ZNF317: variants seen among roughly 807,000 people sequenced by gnomAD.
ZNF317 encodes the protein KRAB-containing zinc finger protein 317.
ZNF317 carries 17 observed loss-of-function variants against 23.4 expected under a neutral mutation model. The ratio of observed to expected loss-of-function variants is 0.73; its 90% CI spans 0.50 to 1.09. The LOEUF is 1.09. ZNF317 is among the 50% of genes least tolerant of loss of function. ZNF317 has a pLI of 0.00. For synonymous variants in ZNF317, 317 were observed against 314.9 expected, an observed-to-expected ratio of 1.01 and a Z score of -0.07; for missense variants, 679 against 796.7, an observed-to-expected ratio of 0.85 and a Z score of 1.78.
chr19:9,141,972 A>C (rs530769488), intron 1 of ZNF317, among the ~76,000 whole-genome samples: 36 of 152,058 alleles, frequency 2.4e-4, no homozygotes, highest in African/African-American at 8.7e-4. Context: ...CACCCAGCTA[A>C]ATTTTGTATT....
chr19:9,148,150 C>T (rs1280928757), intron 1 of ZNF317, among the ~76,000 whole-genome samples: 2 of 152,182 alleles, frequency 1.3e-5, no homozygotes, highest in African/African-American at 2.4e-5. Flanking sequence ...GTAGAGCCTA[C>T]AGAACTGTGA....
chr19:9,150,696 T>TG, intron 1 of ZNF317, among the ~76,000 whole-genome samples: 1 of 152,216 alleles, frequency 6.6e-6, no homozygotes, highest in South Asian at 2.1e-4. Flanking sequence ...GCAAGAGCAG[T>TG]GGCATTCCCA....
chr19:9,154,060 C>T lies in ZNF317; in HGVS notation c.-92-1865C>T, dbSNP rs540152782. Among the ~76,000 whole-genome samples the T allele has an allele frequency of 5.9e-5, 9 of 152,092 alleles. No individual in the cohort carries two copies. The South Asian group carries it at 1.0e-3, about 18-fold the overall frequency. On this transcript the variant is annotated intron_variant, in intron 1 of 6. Transcript: ENST00000247956. Reference sequence around the variant, plus strand: ...GAAAGTAAAGGAGAGCCAGGTAGTGCGAGGGTCCAGAGACGGGGATGGGCC... The same window carrying T: ...GAAAGTAAAGGAGAGCCAGGTAGTGTGAGGGTCCAGAGACGGGGATGGGCC...
In ZNF317 at chr19:9,160,632, C is replaced by T. The variant is rs572987481; in HGVS notation, c.987C>T (p.Thr329=). 6.2e-6 allele frequency: 10 copies of T among 1,614,042 alleles called. No homozygotes were observed. The highest frequency in any genetic ancestry group is 4.0e-5 in the African/African-American group (3 of 74,996). The part of the protein sequence containing the change: ...CHLIAHKRTH[T]GERPYECHDC... ...TCATCGCACACAAGAGAACGCACAC[C>T]GGAGAGAGGCCCTACGAGTGTCACG... The change falls in exon 7 of 7, where the codon ACC becomes ACT. Residue 329 remains threonine, a synonymous_variant. Transcript: ENST00000247956. This position sits in a 1 kb window ranked among gnomAD's most constrained non-coding sequence, Gnocchi z 6.8.
intron 1 of ZNF317, 112 bp from the exon 2 acceptor site, chr19:9,155,813 A>G (rs1006428868): frequency 6.4e-6 from 4 of 624,656 alleles, no homozygotes; most frequent in African/African-American, 1.8e-5. Flanking sequence ...GATCAGGCAG[A>G]TCTTGCTGCT....
Position 9,160,081 on chromosome 19 carries a change from T to C in ZNF317, c.469-33T>C, listed in dbSNP as rs2050829745. Reference sequence around the variant, plus strand: ...TTAGGGTTGCAATGAATATGAGAATTGCCTTTGTCAGCACTTACGTCTTAA... The same window carrying C: ...TTAGGGTTGCAATGAATATGAGAATCGCCTTTGTCAGCACTTACGTCTTAA... On this transcript the variant is annotated intron_variant, in intron 6 of 6. Coordinates refer to ENST00000247956, the MANE Select transcript of ZNF317 (RefSeq NM_020933.5). This position sits in a 1 kb window ranked among gnomAD's most constrained non-coding sequence, Gnocchi z 6.8. 6.2e-7 allele frequency: 1 copy of C among 1,611,192 alleles called. No individual in the cohort carries two copies. Among genetic ancestry groups the C allele is most frequent in the African/African-American group, 1.3e-5 (1 of 74,948 alleles).
chr19:9,141,754 C>T (rs988177233), intron 1 of ZNF317, among the ~76,000 whole-genome samples: 1 of 151,946 alleles, frequency 6.6e-6, no homozygotes, highest in Non-Finnish European at 1.5e-5. Flanking sequence ...TGATTTACAT[C>T]ATTTATTTAC....
At chr19:9,159,545 G>GTTT (rs374750547) in intron 6 of ZNF317, among the ~76,000 whole-genome samples, 13 of 146,722 alleles carry the variant, frequency 8.9e-5, no homozygotes, top group East Asian at 2.1e-4. Context: ...TGTTGTTTTT[G>GTTT]TTTTTTGTTT....
chr19:9,160,021 C>T lies in ZNF317; in HGVS notation c.469-93C>T, dbSNP rs752566578. The T allele has an allele frequency of 5.2e-6, 8 of 1,545,802 alleles. No homozygotes were observed. In the East Asian group the frequency reaches 1.6e-4, roughly 31 times the overall value. ...CAGCTCTAGTCATAGTAATGTGCTT[C>T]TATCTGTTCATAGCAGTGTATGTGG... On this transcript the variant is annotated intron_variant, in intron 6 of 6. Coordinates refer to ENST00000247956, the MANE Select transcript of ZNF317 (RefSeq NM_020933.5). The surrounding 1 kb of genome is among the most constrained non-coding windows in gnomAD (Gnocchi z 6.8).
chr19:9,143,348 T>G lies in ZNF317; in HGVS notation c.-93+2756T>G, dbSNP rs114058937. On this transcript the variant is annotated intron_variant, in intron 1 of 6. Coordinates refer to ENST00000247956, the MANE Select transcript of ZNF317 (RefSeq NM_020933.5). Reference sequence around the variant, plus strand: ...ACCACTTTATGATATATATGTTTTCTATTTTATAACTTTCTGATTGTTATC... The same window carrying G: ...ACCACTTTATGATATATATGTTTTCGATTTTATAACTTTCTGATTGTTATC... Among the ~76,000 whole-genome samples the G allele has an allele frequency of 4.5e-3, 682 of 152,290 alleles. 7 individuals are homozygous for G. Among genetic ancestry groups the G allele is most frequent in the African/African-American group, 0.016 (651 of 41,570 alleles).
At position 9,156,626 on chromosome 19, in the gene ZNF317, G is replaced by T; in HGVS notation, c.40G>T (p.Asp14Tyr). Residue 14 changes from aspartate (D) to tyrosine (Y), a missense_variant, in exon 3 of 7, where the codon GAT (aspartate) becomes TAT (tyrosine). Physicochemically the swap from Asp to Tyr is radical, Grantham distance 160. Transcript: ENST00000247956. ...TTCTCCTCCAGCCACGTCCACCCAG[G>T]ATTCCACCTGTCTCCAGGACTCAGA... ...LSPTFATSTQ[D>Y]STCLQDSEFP... 3 of 1,614,034 alleles carry T rather than the reference G, an allele frequency of 1.9e-6. No individual in the cohort carries two copies. Among genetic ancestry groups the T allele is most frequent in the Non-Finnish European group, 2.5e-6 (3 of 1,179,974 alleles).
At position 9,161,523 on chromosome 19, in the gene ZNF317, G is replaced by T; in HGVS notation, c.*90G>T. The T allele has an allele frequency of 4.0e-6, 6 of 1,496,710 alleles. No homozygotes were observed. The highest frequency in any genetic ancestry group is 5.4e-6 in the Non-Finnish European group (6 of 1,118,672). The allele number at this position is 1,496,710 out of a possible 1,614,324, so 92.7% of individuals were successfully genotyped here. A position where few individuals can be genotyped will look rare whatever the true frequency, so the allele number is the denominator to read the frequency against. ...AGCCTCTGTGAGCTCGCACCTTACTGGGTGCAAAAGAATCCACGGAACTTG... is the reference window on the plus strand; with the variant it reads ...AGCCTCTGTGAGCTCGCACCTTACTTGGTGCAAAAGAATCCACGGAACTTG... On this transcript the variant is annotated 3_prime_UTR_variant, in exon 7 of 7. Coordinates refer to ENST00000247956, the MANE Select transcript of ZNF317 (RefSeq NM_020933.5). The surrounding 1 kb of genome is among the most constrained non-coding windows in gnomAD (Gnocchi z 4.0).
Position 9,161,483 on chromosome 19 carries a change from G to A in ZNF317, c.*50G>A, listed in dbSNP as rs764287714. 3 of 1,560,036 alleles carry A rather than the reference G, an allele frequency of 1.9e-6. No individual in the cohort carries two copies. Among genetic ancestry groups the A allele is most frequent in the Admixed American group, 1.8e-5 (1 of 54,860 alleles). ...ATGATTCAGACCGGAAACAGACCTC[G>A]TGGGTGTAAGAGGAAGCCTCTGTGA... On this transcript the variant is annotated 3_prime_UTR_variant, in exon 7 of 7. Coordinates refer to ENST00000247956, the MANE Select transcript of ZNF317 (RefSeq NM_020933.5). This position sits in a 1 kb window ranked among gnomAD's most constrained non-coding sequence, Gnocchi z 4.0.
rs200591339 is a variant in ZNF317 at position 9,158,363 on chromosome 19, C to CTTTTTTTTTTTTTTTTTTTTT, written c.385+296_385+316dup. ...CTGAATTGCCTTAAATTTCTTTTTTCTTTTTTTTTTTTTTTTTTTTTTTTT... is the reference window on the plus strand; with the variant it reads ...CTGAATTGCCTTAAATTTCTTTTTTCTTTTTTTTTTTTTTTTTTTTTTTTTTTTTTTTTTTTTTTTTTTTTT... On this transcript the variant is annotated intron_variant, in intron 5 of 6. Transcript: ENST00000247956. Among the ~76,000 whole-genome samples, 49 of 76,534 alleles carry CTTTTTTTTTTTTTTTTTTTTT rather than the reference C, an allele frequency of 6.4e-4. 11 individuals are homozygous for CTTTTTTTTTTTTTTTTTTTTT. Among genetic ancestry groups the CTTTTTTTTTTTTTTTTTTTTT allele is most frequent in the African/African-American group, 1.0e-3 (16 of 15,674 alleles). The allele number at this position is 76,534 out of a possible 152,430, so 50.2% of individuals were successfully genotyped here. A position where few individuals can be genotyped will look rare whatever the true frequency, so the allele number is the denominator to read the frequency against.
rs548540707 is a variant in ZNF317, at chr19:9,153,422, C to T, written c.-92-2503C>T. Among the ~76,000 whole-genome samples the T allele has an allele frequency of 9.2e-5, 14 of 152,308 alleles. No homozygotes were observed. The East Asian group carries it at 2.5e-3, about 27-fold the overall frequency. On this transcript the variant is annotated intron_variant, in intron 1 of 6. Coordinates refer to ENST00000247956, the MANE Select transcript of ZNF317 (RefSeq NM_020933.5). ...AGGTGATCCACCCACCTTGGTCTCCCAAAGTGCTGGGATTACAGGTGGGAG... is the reference window on the plus strand; with the variant it reads ...AGGTGATCCACCCACCTTGGTCTCCTAAAGTGCTGGGATTACAGGTGGGAG...
Position 9,160,810 on chromosome 19 carries a change from A to C in ZNF317, c.1165A>C (p.Thr389Pro). The C allele has an allele frequency of 6.2e-7, 1 of 1,614,006 alleles. No individual in the cohort carries two copies. The highest frequency in any genetic ancestry group is 8.5e-7 in the Non-Finnish European group (1 of 1,179,986). ...CAAGAAGAACCACATGGTGGAGAAG[A>C]CCTACGAATGTAAAGAATGCGGGAA... ...LHKKNHMVEK[T>P]YECKECGKSF... Residue 389 changes from threonine to proline, a missense_variant, in exon 7 of 7, where the codon ACC (threonine) becomes CCC (proline). Coordinates refer to ENST00000247956, the MANE Select transcript of ZNF317 (RefSeq NM_020933.5). This position sits in a 1 kb window ranked among gnomAD's most constrained non-coding sequence, Gnocchi z 6.8.
chr19:9,145,954 T>G (rs2050678932), intron 1 of ZNF317, among the ~76,000 whole-genome samples: 1 of 152,112 alleles, frequency 6.6e-6, no homozygotes, highest in African/African-American at 2.4e-5. Context: ...CAGGGGACGC[T>G]TATGCAGCAG....
At chr19:9,157,731 G>A in intron 4 of ZNF317, 1 of 582,082 alleles carries the variant, frequency 1.7e-6, no homozygotes, top group Non-Finnish European at 2.4e-6. Flanking sequence ...TTCTCACTAT[G>A]TTGCCCAGAC....
intron 1 of ZNF317, among the ~76,000 whole-genome samples, chr19:9,143,644 C>A (rs1171346321): frequency 1.2e-5 from 1 of 81,124 alleles, no homozygotes; most frequent in African/African-American, 7.6e-5. Context: ...GCTGTCTCAT[C>A]ATGTTCAATC....
Sources: gnomAD v4.1 joint callset for allele counts (sites outside exome capture counted in the v4.1 genomes callset) on GRCh38, gnomAD v4.1.1 for gene constraint, Gnocchi (gnomAD v3.1) non-coding constraint, MANE v1.5 for transcripts, NCBI Gene and HGNC (gene_info 2026-07-23, HGNC 2026-07-21) for gene names.